The following PAK5 variants were observed in gnomAD, a reference collection of about 807,000 sequenced individuals.
PAK5 encodes the protein p21 (RAC1) activated kinase 5, also known as serine/threonine-protein kinase PAK 5.
A neutral mutation model predicts 65.9 loss-of-function variants in PAK5; 16 were observed. The observed-to-expected ratio is 0.24, with a 90% confidence interval of 0.16 to 0.37. PAK5 has a LOEUF of 0.37. Among genes scored for constraint, PAK5 ranks in the 10% least tolerant of loss-of-function variants. PAK5 has a pLI of 1.00. For synonymous variants in PAK5, 371 were observed against 354.9 expected, an observed-to-expected ratio of 1.05 and a Z score of -0.51; for missense variants, 785 against 903.9, an observed-to-expected ratio of 0.87 and a Z score of 1.69.
intron 3 of PAK5, among the ~76,000 whole-genome samples, chr20:9,604,292 A>G (rs984378491): frequency 2.0e-5 from 3 of 152,204 alleles, no homozygotes; most frequent in Non-Finnish European, 2.9e-5. Context: ...GGAAGGTGCT[A>G]TGTGAAAATG....
At chr20:9,822,072 T>C (rs2049428087) in intron 1 of PAK5, among the ~76,000 whole-genome samples, 1 of 152,142 alleles carries the variant, frequency 6.6e-6, no homozygotes, top group African/African-American at 2.4e-5. Context: ...GCAGATTGCC[T>C]GAGCTCAGGA....
At chr20:9,829,955 A>G (rs1978574562) in intron 1 of PAK5, among the ~76,000 whole-genome samples, 2 of 152,140 alleles carry the variant, frequency 1.3e-5, no homozygotes, top group African/African-American at 2.4e-5. Context: ...AAAGTCCACA[A>G]GTCCAAGCTC....
At chr20:9,659,836 T>A (rs1250257677) in intron 2 of PAK5, among the ~76,000 whole-genome samples, 1 of 152,182 alleles carries the variant, frequency 6.6e-6, no homozygotes, top group East Asian at 1.9e-4. Context: ...GAAATGGTAG[T>A]CCTGTTGACA....
At chr20:9,557,805 C>A in intron 6 of PAK5, 71 bp from the exon 7 acceptor site, 1 of 1,284,562 alleles carries the variant, frequency 7.8e-7, no homozygotes, top group South Asian at 1.3e-5. Context: ...AGAGAGGCAG[C>A]TCCCTTGTGC....
At chr20:9,651,179 C>T (rs1039033004) in intron 2 of PAK5, among the ~76,000 whole-genome samples, 2 of 152,160 alleles carry the variant, frequency 1.3e-5, no homozygotes, top group African/African-American at 4.8e-5. Flanking sequence ...CTGGCTTTGC[C>T]TCCTTTTGCC....
intron 2 of PAK5, among the ~76,000 whole-genome samples, chr20:9,708,012 G>A (rs922118847): frequency 1.3e-5 from 2 of 152,160 alleles, no homozygotes; most frequent in Non-Finnish European, 2.9e-5. Context: ...TACTGATCCT[G>A]TTCAATAGCT....
intron 3 of PAK5, among the ~76,000 whole-genome samples, chr20:9,635,178 TA>T (rs1239519715): frequency 6.6e-6 from 1 of 152,212 alleles, no homozygotes; most frequent in African/African-American, 2.4e-5. Flanking sequence ...TGTCTTCTGA[TA>T]ATCATTAAGT....
chr20:9,664,033 G>A (rs934007797), intron 2 of PAK5, among the ~76,000 whole-genome samples: 3 of 152,316 alleles, frequency 2.0e-5, no homozygotes, highest in Admixed American at 2.0e-4. Context: ...AAAGAAAAAG[G>A]CAGCTACGAA....
chr20:9,595,774 C>A (rs562125286), intron 3 of PAK5, among the ~76,000 whole-genome samples: 5 of 152,286 alleles, frequency 3.3e-5, no homozygotes, highest in South Asian at 2.1e-4. Context: ...AGAAAGGCCT[C>A]CTGACACACT....
chr20:9,617,716 C>A, intron 3 of PAK5, among the ~76,000 whole-genome samples: 1 of 151,760 alleles, frequency 6.6e-6, no homozygotes. Context: ...CCACCACGGC[C>A]GGCTGATTTT....
intron 2 of PAK5, among the ~76,000 whole-genome samples, chr20:9,648,146 T>C (rs568646164): frequency 6.6e-5 from 10 of 152,322 alleles, no homozygotes; most frequent in East Asian, 3.9e-4. Context: ...GGAGAACTCA[T>C]AGGACTCTGC....
At chr20:9,677,141 TA>T (rs1428784240) in intron 2 of PAK5, among the ~76,000 whole-genome samples, 4 of 152,038 alleles carry the variant, frequency 2.6e-5, no homozygotes, top group African/African-American at 9.7e-5. Context: ...ATGTCTTTTT[TA>T]AAAATTTAAA....
At chr20:9,604,116 A>C (rs1455150459) in intron 3 of PAK5, among the ~76,000 whole-genome samples, 1 of 152,164 alleles carries the variant, frequency 6.6e-6, no homozygotes, top group African/African-American at 2.4e-5. Flanking sequence ...GATGCACCTG[A>C]ATGTGTGTTC....
chr20:9,538,940 C>G lies in PAK5; in HGVS notation c.*522G>C. 4.3e-6 allele frequency: 1 copy of G among 233,016 alleles called. No homozygotes were observed. The highest frequency in any genetic ancestry group is 8.5e-6 in the Non-Finnish European group (1 of 117,760). 14.4% of individuals were successfully genotyped at this position (233,016 alleles called of 1,614,324 possible). ...GCTTTGTTCAAACTCCTCTAGTAAACAAGTATTACTTCAACTGATACAATG... is the reference window on the plus strand; with the variant it reads ...GCTTTGTTCAAACTCCTCTAGTAAAGAAGTATTACTTCAACTGATACAATG... On this transcript the variant is annotated 3_prime_UTR_variant, in exon 10 of 10. Transcript: ENST00000353224.
intron 3 of PAK5, among the ~76,000 whole-genome samples, chr20:9,607,518 T>G (rs1018128095): frequency 1.3e-5 from 2 of 152,172 alleles, no homozygotes; most frequent in Non-Finnish European, 2.9e-5. Flanking sequence ...GTCTTAATGT[T>G]GATGGTGGCA....
At chr20:9,563,267 T>C (rs923496822) in intron 5 of PAK5, among the ~76,000 whole-genome samples, 6 of 151,672 alleles carry the variant, frequency 4.0e-5, no homozygotes, top group South Asian at 2.1e-4. Context: ...AGAGAGAAAA[T>C]GAAAACAAGT....
intron 4 of PAK5, among the ~76,000 whole-genome samples, chr20:9,571,497 C>T (rs1001190768): frequency 1.2e-4 from 19 of 152,324 alleles, no homozygotes; most frequent in African/African-American, 4.1e-4. Context: ...GTTCTTCTGC[C>T]GGGGTCAGTC....
At chr20:9,607,792 G>T (rs1016564327) in intron 3 of PAK5, among the ~76,000 whole-genome samples, 22 of 151,898 alleles carry the variant, frequency 1.4e-4, no homozygotes, top group African/African-American at 5.1e-4. Context: ...TCATGCCACT[G>T]CCCTCCAGCC....
chr20:9,555,934 C>T (rs185405632), intron 7 of PAK5, among the ~76,000 whole-genome samples: 1 of 152,110 alleles, frequency 6.6e-6, no homozygotes, highest in African/African-American at 2.4e-5. Context: ...CAGCTGACTG[C>T]CAAGCAAATG....
Sources: allele counts gnomAD v4.1 joint callset (sites outside exome capture counted in the v4.1 genomes callset), GRCh38; gene constraint gnomAD v4.1.1; transcripts MANE v1.5; gene names NCBI Gene and HGNC (gene_info 2026-07-23, HGNC 2026-07-21).